Variants in METTL15 observed in about 807,000 individuals in gnomAD.
The protein encoded by METTL15 is methyltransferase 15, mitochondrial 12S rRNA N4-cytidine.
METTL15 carries 34 observed loss-of-function variants against 38.3 expected under a neutral mutation model. The observed-to-expected ratio is 0.89, with a 90% CI of 0.68 to 1.18. METTL15 has a LOEUF of 1.18. Among genes scored for constraint, METTL15 ranks in the 50% most tolerant of loss-of-function variants. The pLI is 0.00. For synonymous variants in METTL15, 162 were observed against 170.9 expected (o/e 0.95, Z 0.41); for missense variants, 438 against 498.4 (o/e 0.88, Z 1.15).
chr11:28,232,582 A>G (rs540263507), intron 4 of METTL15, among the ~76,000 whole-genome samples: 6 of 151,932 alleles, frequency 3.9e-5, no homozygotes, highest in African/African-American at 1.2e-4. Context: ...TTTTTATATG[A>G]ACACGTTTAT....
intron 6 of METTL15, among the ~76,000 whole-genome samples, chr11:28,315,516 T>C (rs1470653940): frequency 1.3e-5 from 2 of 152,216 alleles, no homozygotes; most frequent in Non-Finnish European, 2.9e-5. Context: ...TTGGATAATT[T>C]GCAGCCTGAC....
intron 3 of METTL15, among the ~76,000 whole-genome samples, chr11:28,171,774 C>T (rs563083772): frequency 3.4e-5 from 5 of 148,798 alleles, no homozygotes; most frequent in Admixed American, 6.7e-5. Flanking sequence ...TGCCCGCCGC[C>T]TCTCTCTCTC....
chr11:28,408,931 A>G (rs1027888554), intron 5 of METTL15, among the ~76,000 whole-genome samples: 6 of 152,164 alleles, frequency 3.9e-5, no homozygotes, highest in Admixed American at 3.3e-4. Context: ...TTAACATGGA[A>G]ATACTGGACT....
At chr11:28,431,546 C>CA (rs1850927912) in intron 6 of METTL15, among the ~76,000 whole-genome samples, 1 of 66,900 alleles carries the variant, frequency 1.5e-5, no homozygotes, top group Non-Finnish European at 3.2e-5. Context: ...AAGGGCGGTG[C>CA]AAGATGTGCT....
chr11:28,239,331 C>A (rs1262639568), intron 4 of METTL15, among the ~76,000 whole-genome samples: 2 of 152,180 alleles, frequency 1.3e-5, no homozygotes, highest in Non-Finnish European at 2.9e-5. Flanking sequence ...AAATAAAATT[C>A]TTTTAATAAT....
At chr11:28,525,001 G>A (rs371747061) in intron 6 of METTL15, among the ~76,000 whole-genome samples, 9 of 151,624 alleles carry the variant, frequency 5.9e-5, no homozygotes, top group East Asian at 1.9e-4. Context: ...AGACCTTCGC[G>A]GTGAGTGTTA....
chr11:28,124,157 G>A (rs1385824477), intron 3 of METTL15, among the ~76,000 whole-genome samples: 2 of 152,168 alleles, frequency 1.3e-5, no homozygotes, highest in Non-Finnish European at 2.9e-5. Flanking sequence ...GGACTTGAAT[G>A]CTTCTAGCTA....
intron 4 of METTL15, among the ~76,000 whole-genome samples, chr11:28,271,778 C>A (rs931433849): frequency 3.3e-5 from 5 of 152,102 alleles, no homozygotes; most frequent in African/African-American, 9.7e-5. Context: ...TCAGAGTGAA[C>A]AGGCAACCTA....
At chr11:28,312,589 A>G (rs1020039580) in intron 6 of METTL15, among the ~76,000 whole-genome samples, 6 of 152,104 alleles carry the variant, frequency 3.9e-5, no homozygotes, top group East Asian at 1.9e-4. Flanking sequence ...GTGTTAGTCA[A>G]TTTTGTGCTG....
intron 3 of METTL15, among the ~76,000 whole-genome samples, chr11:28,137,644 A>G (rs540049354): frequency 2.6e-5 from 4 of 152,338 alleles, no homozygotes; most frequent in Non-Finnish European, 5.9e-5. Flanking sequence ...ACCTTCGAAC[A>G]TGTAGCAAAC....
At chr11:28,240,082 A>G (rs1854224845) in intron 4 of METTL15, among the ~76,000 whole-genome samples, 1 of 152,168 alleles carries the variant, frequency 6.6e-6, no homozygotes, top group Non-Finnish European at 1.5e-5. Context: ...TAGCAAGTAA[A>G]ATAGAATAGA....
At chr11:28,454,152 C>T (rs1429689389) in intron 6 of METTL15, among the ~76,000 whole-genome samples, 1 of 152,124 alleles carries the variant, frequency 6.6e-6, no homozygotes, top group Non-Finnish European at 1.5e-5. Flanking sequence ...AGCCAGGGAC[C>T]CCTGATCAGT....
intron 3 of METTL15, among the ~76,000 whole-genome samples, chr11:28,343,763 T>C (rs1033102927): frequency 2.0e-5 from 3 of 152,206 alleles, no homozygotes; most frequent in Non-Finnish European, 2.9e-5. Flanking sequence ...ATTATTTTAC[T>C]CAACATCTAT....
At chr11:28,256,647 C>A (rs1347302746) in intron 4 of METTL15, among the ~76,000 whole-genome samples, 1 of 151,930 alleles carries the variant, frequency 6.6e-6, no homozygotes, top group Admixed American at 6.6e-5. Flanking sequence ...TTTCAAAAAA[C>A]CAACTTTTTA....
intron 4 of METTL15, among the ~76,000 whole-genome samples, chr11:28,256,626 T>C (rs1260210785): frequency 6.6e-6 from 1 of 152,098 alleles, no homozygotes; most frequent in Non-Finnish European, 1.5e-5. Flanking sequence ...GATTTGTCTA[T>C]TTATGTAACT....
At chr11:28,263,679 C>T (rs1315389771) in intron 4 of METTL15, among the ~76,000 whole-genome samples, 6 of 152,008 alleles carry the variant, frequency 3.9e-5, no homozygotes, top group Admixed American at 2.6e-4. Context: ...GGACCTTTTT[C>T]GAATTGAGTA....
intron 6 of METTL15, among the ~76,000 whole-genome samples, chr11:28,526,196 C>T (rs7935201): frequency 0.44 from 66,845 of 152,042 alleles, 15,404 homozygotes; most frequent in Admixed American, 0.54. Context: ...CTGAGGGAGC[C>T]GGCTTCAGCC....
At chr11:28,453,998 C>T (rs1851146960) in intron 6 of METTL15, among the ~76,000 whole-genome samples, 1 of 152,166 alleles carries the variant, frequency 6.6e-6, no homozygotes, top group Non-Finnish European at 1.5e-5. Context: ...GACTTTTCTT[C>T]GTTCAGTGAT....
rs367962831 is a variant in METTL15, at chr11:28,409,120, C to T, written c.*359-15179C>T. 3.2e-3 allele frequency among the ~76,000 whole-genome samples: 481 copies of T among 152,134 alleles called. 1 individual carries two copies. Among genetic ancestry groups the T allele is most frequent in the Non-Finnish European group, 5.3e-3 (363 of 67,988 alleles). On this transcript the variant is annotated intron_variant and NMD_transcript_variant, in intron 5 of 7. Transcript: ENST00000532947. ...AAATCGGGCTGGGCGCAGTGGCTCA[C>T]GCCTGTAATCCCAGCACTTAGGGAG...
Sources: allele counts gnomAD v4.1 joint callset (sites outside exome capture counted in the v4.1 genomes callset), GRCh38; gene constraint gnomAD v4.1.1; transcripts MANE v1.5; gene names NCBI Gene and HGNC (gene_info 2026-07-23, HGNC 2026-07-21).